Variants in VPS54 observed in about 807,000 individuals in gnomAD.
VPS54 encodes the protein VPS54 subunit of GARP complex.
VPS54 carries 45 observed loss-of-function variants against 121.5 expected under a neutral mutation model. That is an observed-to-expected ratio of 0.37 (90% CI 0.29 to 0.47). The LOEUF (loss-of-function observed/expected upper bound fraction) is 0.47. VPS54 is among the 20% of genes least tolerant of loss of function. The pLI is 0.99. For missense variants in VPS54, 1,090 were observed against 1,131.4 expected, an observed-to-expected ratio of 0.96 and a Z score of 0.52; for synonymous variants, 371 against 385.8, an observed-to-expected ratio of 0.96 and a Z score of 0.45.
At chr2:64,003,355 T>A (rs1273289751) in intron 1 of VPS54, among the ~76,000 whole-genome samples, 1 of 152,228 alleles carries the variant, frequency 6.6e-6, no homozygotes, top group African/African-American at 2.4e-5. Context: ...GGTAATCTCC[T>A]TATAATTGTA....
intron 1 of VPS54, among the ~76,000 whole-genome samples, chr2:63,987,826 G>A (rs940667249): frequency 6.6e-6 from 1 of 151,990 alleles, no homozygotes; most frequent in South Asian, 2.1e-4. Flanking sequence ...TTTTCACATT[G>A]TTCAGTGTTG....
chr2:63,919,793 G>C, intron 15 of VPS54, 90 bp downstream of exon 15: 2 of 845,230 alleles, frequency 2.4e-6, no homozygotes, highest in Non-Finnish European at 3.5e-6. Flanking sequence ...CTTTGAAATA[G>C]GCATTGTCAA....
intron 6 of VPS54, 25 bp from the exon 7 acceptor site, chr2:63,962,468 T>C (rs1370886525): frequency 1.3e-6 from 2 of 1,578,296 alleles, no homozygotes; most frequent in Non-Finnish European, 1.7e-6. Flanking sequence ...AAAAAAAATA[T>C]GAAGTACTAT....
intron 1 of VPS54, among the ~76,000 whole-genome samples, chr2:63,992,370 CAT>C (rs1197935704): frequency 6.6e-6 from 1 of 152,232 alleles, no homozygotes; most frequent in African/African-American, 2.4e-5. Context: ...TCCCAGTCAG[CAT>C]ATGATGGAAA....
chr2:64,004,849 G>A (rs1678050249), intron 1 of VPS54, among the ~76,000 whole-genome samples: 1 of 152,224 alleles, frequency 6.6e-6, no homozygotes, highest in Admixed American at 6.5e-5. Flanking sequence ...CATAATCACA[G>A]CTCACTGCAA....
chr2:63,997,306 A>C (rs1677643569), intron 1 of VPS54, among the ~76,000 whole-genome samples: 1 of 152,178 alleles, frequency 6.6e-6, no homozygotes, highest in Non-Finnish European at 1.5e-5. Flanking sequence ...GTTTGGTAGA[A>C]TTCAGCAGTG....
At chr2:64,001,909 C>T (rs1034819509) in intron 1 of VPS54, among the ~76,000 whole-genome samples, 5 of 152,178 alleles carry the variant, frequency 3.3e-5, no homozygotes, top group Admixed American at 6.5e-5. Flanking sequence ...CCACTGGTGC[C>T]GAGCCCAGTT....
In VPS54 at chr2:63,956,962, T is replaced by C. The variant is rs144001213; in HGVS notation, c.1010+5096A>G. On this transcript the variant is annotated intron_variant, in intron 7 of 22. Transcript: ENST00000272322. ...TTTCTGTATCAAAACCTGCAAGATATCAACATTCGAATGCATTCTTGGGCT... is the reference window on the plus strand; with the variant it reads ...TTTCTGTATCAAAACCTGCAAGATACCAACATTCGAATGCATTCTTGGGCT... Among the ~76,000 whole-genome samples the C allele has an allele frequency of 1.1e-3, 170 of 152,226 alleles. 1 individual carries two copies. The highest frequency in any genetic ancestry group is 2.9e-3 in the Admixed American group (45 of 15,260).
At chr2:63,957,543 T>G (rs186306871) in intron 7 of VPS54, among the ~76,000 whole-genome samples, 40 of 152,030 alleles carry the variant, frequency 2.6e-4, no homozygotes, top group African/African-American at 9.6e-4. Context: ...AATTTAAAAA[T>G]TCTACAAATG....
chr2:63,917,356 T>A (rs945388081), intron 15 of VPS54, among the ~76,000 whole-genome samples: 1 of 152,060 alleles, frequency 6.6e-6, no homozygotes, highest in Non-Finnish European at 1.5e-5. Flanking sequence ...AAGTTATTAG[T>A]TTTGGAAAGG....
intron 12 of VPS54, among the ~76,000 whole-genome samples, chr2:63,926,601 A>G (rs1435376118): frequency 2.0e-5 from 3 of 152,024 alleles, no homozygotes; most frequent in African/African-American, 4.8e-5. Context: ...TGCATTTCCA[A>G]CTGAGGTACC....
chr2:63,970,228 C>G (rs1418291711), intron 4 of VPS54, among the ~76,000 whole-genome samples: 1 of 68,472 alleles, frequency 1.5e-5, no homozygotes, highest in Non-Finnish European at 3.2e-5. Context: ...CACACACACA[C>G]ACACACACAT....
chr2:63,914,790 A>G (rs1175859765), intron 16 of VPS54, among the ~76,000 whole-genome samples: 1 of 152,002 alleles, frequency 6.6e-6, no homozygotes. Context: ...AAAAATCTAT[A>G]ATGGCTTCTA....
chr2:63,975,166 C>A, intron 3 of VPS54: 1 of 727,966 alleles, frequency 1.4e-6, no homozygotes, highest in Non-Finnish European at 2.1e-6. Flanking sequence ...ATGCCTCAGC[C>A]TCCCAAGTAG....
At chr2:63,946,376 A>G (rs964663704) in intron 9 of VPS54, among the ~76,000 whole-genome samples, 2 of 152,104 alleles carry the variant, frequency 1.3e-5, no homozygotes, top group Non-Finnish European at 2.9e-5. Context: ...ACTTATATAC[A>G]TATTTCTGTT....
intron 1 of VPS54, among the ~76,000 whole-genome samples, chr2:63,995,608 C>T (rs1317282320): frequency 6.6e-6 from 1 of 152,134 alleles, no homozygotes; most frequent in African/African-American, 2.4e-5. Flanking sequence ...GCCAATTCCA[C>T]CAAATGTTGA....
At chr2:63,895,138 A>T (rs555213954) in intron 22 of VPS54, among the ~76,000 whole-genome samples, 1 of 152,270 alleles carries the variant, frequency 6.6e-6, no homozygotes, top group Non-Finnish European at 1.5e-5. Context: ...AAAATATCTT[A>T]GAGGAAAAAA....
At chr2:63,908,408 T>C (rs1672994736) in intron 20 of VPS54, among the ~76,000 whole-genome samples, 2 of 152,022 alleles carry the variant, frequency 1.3e-5, no homozygotes, top group South Asian at 4.2e-4. Flanking sequence ...AGAGGCTGAG[T>C]ATGGGGAGTG....
chr2:63,901,668 A>G (rs946585717), intron 20 of VPS54, among the ~76,000 whole-genome samples: 17 of 152,178 alleles, frequency 1.1e-4, no homozygotes, highest in African/African-American at 3.9e-4. Flanking sequence ...GTCACTGAGA[A>G]GGGGCACCAA....
Sources: gnomAD v4.1 joint callset for allele counts (sites outside exome capture counted in the v4.1 genomes callset) on GRCh38, gnomAD v4.1.1 for gene constraint, MANE v1.5 for transcripts, NCBI Gene and HGNC (gene_info 2026-07-23, HGNC 2026-07-21) for gene names.